Variants in LITAF observed in about 807,000 individuals in gnomAD.
LITAF encodes lipopolysaccharide-induced tumor necrosis factor-alpha factor.
In LITAF, 9 loss-of-function variants were observed where a neutral mutation model predicts 14.5. The observed-to-expected ratio is 0.62, with a 90% CI of 0.37 to 1.08. The LOEUF (loss-of-function observed/expected upper bound fraction) is 1.08, where lower values mean the gene tolerates loss of function less well. LITAF is among the 50% of genes least tolerant of loss of function. The pLI is 0.01. For missense variants in LITAF, 206 were observed against 213.4 expected (o/e 0.97, Z 0.22); for synonymous variants, 98 against 88.2 (o/e 1.11, Z -0.62).
chr16:11,578,387 T>C (rs1457392937), intron 1 of LITAF, among the ~76,000 whole-genome samples: 2 of 151,540 alleles, frequency 1.3e-5, no homozygotes, highest in African/African-American at 2.4e-5. Flanking sequence ...GGGAAACATG[T>C]CTATATACAG....
At chr16:11,596,214 G>T (rs2064884946) in intron 1 of LITAF, among the ~76,000 whole-genome samples, 1 of 152,090 alleles carries the variant, frequency 6.6e-6, no homozygotes, top group African/African-American at 2.4e-5. Context: ...AGCCCAGCCG[G>T]ATAGCAGGTG....
chr16:11,571,400 C>G (rs2064539529), intron 1 of LITAF, among the ~76,000 whole-genome samples: 1 of 152,158 alleles, frequency 6.6e-6, no homozygotes, highest in East Asian at 1.9e-4. Context: ...AAGCCCACTG[C>G]AGACTTCAGG....
Position 11,615,052 on chromosome 16 carries a change from G to A in LITAF, c.85+18481C>T, listed in dbSNP as rs369859422. Reference sequence around the variant, plus strand: ...GCTGGCACGGGGTGGATGACCAGTCGGTACACACTGGGAGAATGAATGAAT... The same window carrying A: ...GCTGGCACGGGGTGGATGACCAGTCAGTACACACTGGGAGAATGAATGAAT... On this transcript the variant is annotated intron_variant, in intron 3 of 3. Coordinates refer to the LITAF transcript ENST00000574848. Among the ~76,000 whole-genome samples the A allele has an allele frequency of 8.5e-5, 13 of 152,240 alleles. No individual in the cohort carries two copies. In the East Asian group the frequency reaches 1.2e-3, roughly 14 times the overall value.
intron 1 of LITAF, among the ~76,000 whole-genome samples, chr16:11,580,728 T>C (rs1457708054): frequency 6.6e-6 from 1 of 152,184 alleles, no homozygotes; most frequent in Non-Finnish European, 1.5e-5. Context: ...TTCTATAACC[T>C]ATCACCACCT....
chr16:11,550,912 C>T (rs1265370212), intron 3 of LITAF, among the ~76,000 whole-genome samples: 4 of 152,162 alleles, frequency 2.6e-5, no homozygotes, highest in Admixed American at 1.3e-4. Flanking sequence ...GCTGTGTTCC[C>T]GTAAAACTTA....
intron 1 of LITAF, among the ~76,000 whole-genome samples, chr16:11,573,565 C>G (rs2064579835): frequency 6.6e-6 from 1 of 152,126 alleles, no homozygotes; most frequent in Non-Finnish European, 1.5e-5. Flanking sequence ...ATGGTCCCTC[C>G]CCACAAGGTA....
intron 1 of LITAF, among the ~76,000 whole-genome samples, chr16:11,562,383 G>A (rs976785732): frequency 1.5e-4 from 23 of 150,594 alleles, no homozygotes; most frequent in African/African-American, 5.4e-4. Flanking sequence ...AAAGGGCCTC[G>A]CGTTTCCATG....
At chr16:11,636,446 C>T (rs1037895505), upstream of LITAF, 1 of 152,222 alleles carries the variant, frequency 6.6e-6, no homozygotes, top group Admixed American at 6.5e-5. Flanking sequence ...TTACATAGGG[C>T]ATGAAGATTG....
At chr16:11,630,043 G>A (rs556353867) in intron 3 of LITAF, among the ~76,000 whole-genome samples, 2 of 152,142 alleles carry the variant, frequency 1.3e-5, no homozygotes, top group African/African-American at 4.8e-5. Context: ...GGTGCTCAGC[G>A]CACTTCTATC....
chr16:11,555,196 C>A (rs918618555), intron 2 of LITAF, among the ~76,000 whole-genome samples: 1 of 152,056 alleles, frequency 6.6e-6, no homozygotes, highest in African/African-American at 2.4e-5. Context: ...TCACACTCAG[C>A]TAATTTTATT....
In LITAF at chr16:11,586,263, TA is replaced by T. The variant is rs1271519404; in HGVS notation, c.-6+622del. ...TTACCCCGCGGGGAGGGGTCAGGCC[TA>T]GGGGCCACGGCCCGCTTCGCTCTCT... On this transcript the variant is annotated intron_variant, in intron 1 of 3. Transcript: ENST00000622633. The surrounding 1 kb of genome is among the most constrained non-coding windows in gnomAD (Gnocchi z 6.5). 1 of 152,206 alleles carries T rather than the reference TA, an allele frequency of 6.6e-6. No individual in the cohort carries two copies. Among genetic ancestry groups the T allele is most frequent in the African/African-American group, 2.4e-5 (1 of 41,448 alleles). The allele number at this position is 152,206 out of a possible 1,614,324, so 9.4% of individuals were successfully genotyped here. A position where few individuals can be genotyped will look rare whatever the true frequency, so the allele number is the denominator to read the frequency against.
At chr16:11,613,761 G>A (rs552685951) in intron 3 of LITAF, among the ~76,000 whole-genome samples, 1 of 152,372 alleles carries the variant, frequency 6.6e-6, no homozygotes, top group East Asian at 1.9e-4. Context: ...TGGTGGAACC[G>A]AGGGCACAGA....
rs147060367 is a variant in LITAF at position 11,567,044 on chromosome 16, C to T, written c.-5-10309G>A. ...TGAGCCTGGAGTCCTTCATTTCCTC[C>T]GGGATTCCTGGGGGCAGTGTATTGT... On this transcript the variant is annotated intron_variant, in intron 1 of 3. Coordinates refer to ENST00000622633, the MANE Select transcript of LITAF (RefSeq NM_001136472.2). Among the ~76,000 whole-genome samples the T allele has an allele frequency of 5.6e-3, 846 of 152,266 alleles. 12 individuals are homozygous for T. Among genetic ancestry groups the T allele is most frequent in the African/African-American group, 0.018 (754 of 41,558 alleles).
At position 11,549,278 on chromosome 16, in the gene LITAF, C is replaced by A. The variant is rs2141679939; in HGVS notation, c.*359G>T. 1 of 439,034 alleles carries A rather than the reference C, an allele frequency of 2.3e-6. No individual in the cohort carries two copies. The highest frequency in any genetic ancestry group is 7.2e-4 in the Middle Eastern group (1 of 1,382). 27.2% of individuals were successfully genotyped at this position (439,034 alleles called of 1,614,324 possible). On this transcript the variant is annotated 3_prime_UTR_variant, in exon 4 of 4. Transcript: ENST00000622633. The surrounding 1 kb of genome is among the most constrained non-coding windows in gnomAD (Gnocchi z 4.6). ...GTGGCTTCTCAGTTTGAGACTGCCA[C>A]CAGAAAGGCCCATGGAAGCAGGAAA... is the stretch of plus-strand genomic sequence containing the variant.
intron 1 of LITAF, among the ~76,000 whole-genome samples, chr16:11,563,397 G>A (rs563299201): frequency 1.3e-5 from 2 of 152,048 alleles, no homozygotes; most frequent in East Asian, 1.9e-4. Flanking sequence ...TGATCAGCCC[G>A]CCTTGGCCTC....
At chr16:11,602,111 G>C (rs1013846874), upstream of LITAF, among the ~76,000 whole-genome samples, 1 of 152,178 alleles carries the variant, frequency 6.6e-6, no homozygotes, top group Non-Finnish European at 1.5e-5. Context: ...TGTCATCTCA[G>C]AACTTTTGGG....
intron 3 of LITAF, among the ~76,000 whole-genome samples, chr16:11,618,994 AAAAC>A (rs141083763): frequency 2.9e-4 from 43 of 148,294 alleles, no homozygotes; most frequent in Non-Finnish European, 5.3e-4. Context: ...AAAAAAAAAC[AAAAC>A]AAACAAACAA....
At chr16:11,569,614 T>G (rs2064510139) in intron 1 of LITAF, among the ~76,000 whole-genome samples, 1 of 151,658 alleles carries the variant, frequency 6.6e-6, no homozygotes, top group Non-Finnish European at 1.5e-5. Flanking sequence ...TCAGGGAGAG[T>G]AGGAATGGCG....
chr16:11,583,909 T>C lies in LITAF; in HGVS notation c.-6+2977A>G, dbSNP rs1410708412. On this transcript the variant is annotated intron_variant, in intron 1 of 3. Transcript: ENST00000622633. ...TCTTGTGTCCATGCCTTAAGCTCTA[T>C]GAAATTACACAATTCTTCTACTGAA... Among the ~76,000 whole-genome samples the C allele has an allele frequency of 2.0e-5, 3 of 152,210 alleles. No homozygotes were observed. The South Asian group carries it at 6.2e-4, about 31-fold the overall frequency.
Sources: gnomAD v4.1 joint callset for allele counts (sites outside exome capture counted in the v4.1 genomes callset) on GRCh38, gnomAD v4.1.1 for gene constraint, Gnocchi (gnomAD v3.1) non-coding constraint, MANE v1.5 for transcripts, NCBI Gene and HGNC (gene_info 2026-07-23, HGNC 2026-07-21) for gene names.